VIM: variants seen among roughly 807,000 people sequenced by gnomAD.
VIM encodes vimentin, also known as epididymis secretory sperm binding protein.
In VIM, 18 loss-of-function variants were observed where a neutral mutation model predicts 50.3. That is an observed-to-expected ratio of 0.36 (90% confidence interval 0.25 to 0.53). The LOEUF is 0.53. Ranked by LOEUF, VIM falls within the 20% of genes least tolerant of loss-of-function variation. VIM has a pLI of 0.91. For missense variants in VIM, 551 were observed against 614.7 expected, an observed-to-expected ratio of 0.90 and a Z score of 1.10; for synonymous variants, 245 against 248.5, an observed-to-expected ratio of 0.99 and a Z score of 0.13.
Position 17,228,273 on chromosome 10 carries a change from T to C in VIM, c.-399T>C, listed in dbSNP as rs1846713429. The C allele has an allele frequency of 6.6e-6, 1 of 152,196 alleles. No homozygotes were observed. Among genetic ancestry groups the C allele is most frequent in the Non-Finnish European group, 1.5e-5 (1 of 68,036 alleles). 9.4% of individuals were successfully genotyped at this position (152,196 alleles called of 1,614,324 possible). A position where few individuals can be genotyped will look rare whatever the true frequency, so the allele number is the denominator to read the frequency against. Reference sequence around the variant, plus strand: ...CCACGTATGGCGCCTCTCCAAAGGCTGCAGAAGTTTCTTGCTAACAAAAAG... The same window carrying C: ...CCACGTATGGCGCCTCTCCAAAGGCCGCAGAAGTTTCTTGCTAACAAAAAG... On this transcript the variant is annotated 5_prime_UTR_variant, in exon 1 of 10. Transcript: ENST00000544301.
rs555184110 is a variant in VIM, at chr10:17,230,599, C to T, written c.564-51C>T. The stretch of plus-strand genomic sequence containing the variant: ...ACGTGGTGTTTGGGTGTGGCCGCCC[C>T]GCCCCTGGCGGTTTCCTCGTTCCCC... On this transcript the variant is annotated intron_variant, in intron 2 of 9. Coordinates refer to ENST00000544301, the MANE Select transcript of VIM (RefSeq NM_003380.5). 8 of 1,607,198 alleles carry T rather than the reference C, an allele frequency of 5.0e-6. No homozygotes were observed. The East Asian group carries it at 1.6e-4, about 31-fold the overall frequency.
At position 17,233,942 on chromosome 10, in the gene VIM, A is replaced by G. The variant is rs750469949; in HGVS notation, c.882+11A>G. The G allele has an allele frequency of 6.2e-7, 1 of 1,609,980 alleles. No individual in the cohort carries two copies. The highest frequency in any genetic ancestry group is 8.5e-7 in the Non-Finnish European group (1 of 1,177,954). ...TGGTACAAATCCAAGGTAGGAAACA[A>G]ATCAGTGCGGCTTCAACCAAAGAAA... On this transcript the variant is annotated intron_variant, in intron 5 of 9. Transcript: ENST00000544301.
At chr10:17,234,392 G>A (rs1846850729) in intron 5 of VIM, among the ~76,000 whole-genome samples, 1 of 152,138 alleles carries the variant, frequency 6.6e-6, no homozygotes, top group African/African-American at 2.4e-5. Flanking sequence ...TGGGATTACA[G>A]GCATGCGCCA....
intron 1 of VIM, 127 bp from the exon 2 acceptor site, chr10:17,229,149 A>ACCCCCC: frequency 6.5e-6 from 1 of 154,162 alleles, no homozygotes; most frequent in Middle Eastern, 3.0e-3. Flanking sequence ...CCCCCACCCC[A>ACCCCCC]CCCGCCCACC....
At chr10:17,236,084 T>G (rs1017938714) in intron 8 of VIM, 195 bp downstream of exon 8, 1 of 725,538 alleles carries the variant, frequency 1.4e-6, no homozygotes, top group South Asian at 1.7e-5. Flanking sequence ...CCTTTTTCCT[T>G]CTTCCTGCTG....
chr10:17,230,658 A>C lies in VIM; in HGVS notation c.572A>C (p.Glu191Ala). Residue 191 changes from glutamate to alanine, a missense_variant, in exon 3 of 10, where the codon GAG becomes GCG. Physicochemically the swap from Glu to Ala is moderately radical, Grantham distance 107. This residue lies in a region of VIM where 394 missense variants were observed against 437.5 expected (regional missense o/e 0.90). Transcript: ENST00000544301. ...DIMRLREKLQ[E>A]EMLQREEAEN... ...ATGCGCAACTGTTTCAGATTGCAGG[A>C]GGAGATGCTTCAGAGAGAGGAAGCC... is the stretch of plus-strand genomic sequence containing the variant. The C allele has an allele frequency of 6.2e-7, 1 of 1,614,130 alleles. No homozygotes were observed. Among genetic ancestry groups the C allele is most frequent in the Middle Eastern group, 1.7e-4 (1 of 6,022 alleles).
At chr10:17,237,117 T>G in intron 9 of VIM, 113 bp from the exon 10 acceptor site, 1 of 1,019,004 alleles carries the variant, frequency 9.8e-7, no homozygotes, top group South Asian at 1.5e-5. Context: ...AACCTTCTGA[T>G]TTGCACAATA....
intron 6 of VIM, 103 bp from the exon 7 acceptor site, chr10:17,235,066 A>G (rs1846862976): frequency 3.6e-6 from 5 of 1,391,840 alleles, no homozygotes; most frequent in Non-Finnish European, 5.0e-6. Flanking sequence ...AGTGGTCGCC[A>G]TTTGCCGCTA....
chr10:17,234,557 G>C, intron 5 of VIM, 136 bp from the exon 6 acceptor site: 2 of 1,297,234 alleles, frequency 1.5e-6, no homozygotes, highest in East Asian at 2.3e-5. Flanking sequence ...GTACTCCACT[G>C]CTCTTTCCCT....
chr10:17,231,474 G>C (rs1183950583), intron 3 of VIM, among the ~76,000 whole-genome samples: 1 of 152,128 alleles, frequency 6.6e-6, no homozygotes, highest in African/African-American at 2.4e-5. Flanking sequence ...AGAAATAATA[G>C]GAGTCTTTGT....
intron 1 of VIM, chr10:17,228,993 T>C (rs1763869955): frequency 4.6e-6 from 1 of 217,172 alleles, no homozygotes; most frequent in South Asian, 6.0e-5. Context: ...GACCCCCCCC[T>C]CACCGCGCGA....
intron 2 of VIM, 157 bp from the exon 3 acceptor site, chr10:17,230,493 C>A: frequency 1.1e-6 from 1 of 882,252 alleles, no homozygotes. Flanking sequence ...CCGCTGAAAC[C>A]TGCCGAGGGC....
chr10:17,233,761 T>G lies in VIM; in HGVS notation c.721-9T>G. On this transcript the variant is annotated splice_polypyrimidine_tract_variant and intron_variant, in intron 4 of 9. Transcript: ENST00000544301. ...GGCAGAGCTGACCGTCTGTCTGTTC[T>G]TTTTGCAGGAAATCCAGGAGCTGCA... is the stretch of plus-strand genomic sequence containing the variant. 1 of 1,614,206 alleles carries G rather than the reference T, an allele frequency of 6.2e-7. No individual in the cohort carries two copies. The highest frequency in any genetic ancestry group is 8.5e-7 in the Non-Finnish European group (1 of 1,180,024).
At chr10:17,232,143 T>C (rs1274998162) in intron 3 of VIM, among the ~76,000 whole-genome samples, 2 of 152,242 alleles carry the variant, frequency 1.3e-5, no homozygotes. Context: ...AATACCACAT[T>C]GATCTTTCTT....
At position 17,228,241 on chromosome 10, in the gene VIM, G is replaced by C. The variant is rs1223721867; in HGVS notation, c.-431G>C. 6.6e-6 allele frequency: 1 copy of C among 152,180 alleles called. No individual in the cohort carries two copies. Among genetic ancestry groups the C allele is most frequent in the Non-Finnish European group, 1.5e-5 (1 of 68,040 alleles). The allele number at this position is 152,180 out of a possible 1,614,324, so 9.4% of individuals were successfully genotyped here. A position where few individuals can be genotyped will look rare whatever the true frequency, so the allele number is the denominator to read the frequency against. ...AACCTTCCCGGTGCAATCGTGATCTGGGAGGCCCACGTATGGCGCCTCTCC... is the reference window on the plus strand; with the variant it reads ...AACCTTCCCGGTGCAATCGTGATCTCGGAGGCCCACGTATGGCGCCTCTCC... On this transcript the variant is annotated 5_prime_UTR_variant, in exon 1 of 10. Coordinates refer to ENST00000544301, the MANE Select transcript of VIM (RefSeq NM_003380.5).
rs1291780866 is a variant in VIM, at chr10:17,228,403, T to TGTAA, written c.-266_-263dup. On this transcript the variant is annotated 5_prime_UTR_variant, in exon 1 of 10. Transcript: ENST00000544301. The stretch of plus-strand genomic sequence containing the variant: ...GCACACAGCAAGGCGATGGCCCAGC[T>TGTAA]GTAAGTTGGTAGCACTGAGAACTAG... 1 of 152,264 alleles carries TGTAA rather than the reference T, an allele frequency of 6.6e-6. No individual in the cohort carries two copies. The highest frequency in any genetic ancestry group is 1.5e-5 in the Non-Finnish European group (1 of 68,092). 9.4% of individuals were successfully genotyped at this position (152,264 alleles called of 1,614,324 possible).
intron 3 of VIM, among the ~76,000 whole-genome samples, chr10:17,232,380 T>C (rs1186130885): frequency 6.6e-6 from 1 of 152,230 alleles, no homozygotes; most frequent in Non-Finnish European, 1.5e-5. Context: ...AAATCTTAGT[T>C]GCAAGATTAC....
rs372984113 is a variant in VIM at position 17,235,161 on chromosome 10, C to T, written c.1009-8C>T. The T allele has an allele frequency of 1.9e-6, 3 of 1,614,034 alleles. No homozygotes were observed. The highest frequency in any genetic ancestry group is 2.5e-6 in the Non-Finnish European group (3 of 1,179,898). On this transcript the variant is annotated splice_region_variant and splice_polypyrimidine_tract_variant and intron_variant, in intron 6 of 9. Coordinates refer to ENST00000544301, the MANE Select transcript of VIM (RefSeq NM_003380.5). ...AATAACACCAGACATCTTTCTCACC[C>T]CCTGCAGAATGAGTCCCTGGAACGC...
In VIM at chr10:17,229,144, A is replaced by AACC; in HGVS notation, c.-147-132_-147-131insACC. On this transcript the variant is annotated intron_variant, in intron 1 of 9. Coordinates refer to ENST00000544301, the MANE Select transcript of VIM (RefSeq NM_003380.5). ...AGCAGGAAGGCTCGAGGGCGCCCCC[A>AACC]CCCCACCCGCCCACCCTCCCCGCTT... 1.9e-4 allele frequency: 33 copies of AACC among 176,158 alleles called. 9 individuals are homozygous for AACC. Among genetic ancestry groups the AACC allele is most frequent in the South Asian group, 6.8e-4 (11 of 16,232 alleles). 10.9% of individuals were successfully genotyped at this position (176,158 alleles called of 1,614,324 possible).
Sources: allele counts gnomAD v4.1 joint callset (sites outside exome capture counted in the v4.1 genomes callset), GRCh38; gene constraint gnomAD v4.1.1; regional missense constraint gnomAD v4.1.1; transcripts MANE v1.5; gene names NCBI Gene and HGNC (gene_info 2026-07-23, HGNC 2026-07-21).